The following ADAM2 variants were observed in gnomAD, a reference collection of about 807,000 sequenced individuals.
ADAM2 encodes disintegrin and metalloproteinase domain-containing protein 2.
A neutral mutation model predicts 99.3 loss-of-function variants in ADAM2; 101 were observed. The observed-to-expected ratio is 1.02, with a 90% confidence interval of 0.87 to 1.20. The LOEUF (loss-of-function observed/expected upper bound fraction) is 1.20, where lower values mean the gene tolerates loss of function less well. ADAM2 is among the 50% of genes most tolerant of loss of function. The pLI is 0.00. For synonymous variants in ADAM2, 323 were observed against 287.6 expected, an observed-to-expected ratio of 1.12 and a Z score of -1.25; for missense variants, 948 against 878.7, an observed-to-expected ratio of 1.08 and a Z score of -1.00.
intron 8 of ADAM2, 55 bp from the exon 9 acceptor site, chr8:39,788,306 G>T (rs1387152043): frequency 8.7e-7 from 1 of 1,153,272 alleles, no homozygotes; most frequent in Non-Finnish European, 1.2e-6. Context: ...TTAAAAATTA[G>T]ATATATATGT....
intron 7 of ADAM2, among the ~76,000 whole-genome samples, chr8:39,790,285 A>T (rs1803651569): frequency 6.6e-6 from 1 of 151,986 alleles, no homozygotes; most frequent in South Asian, 2.1e-4. Context: ...AAAAAGTGAA[A>T]TGTCCATCAA....
rs755224471 is a variant in ADAM2, at chr8:39,821,151, T to C, written c.364A>G (p.Asn122Asp). The C allele has an allele frequency of 1.9e-6, 3 of 1,599,662 alleles. No individual in the cohort carries two copies. Among genetic ancestry groups the C allele is most frequent in the Non-Finnish European group, 2.6e-6 (3 of 1,174,780 alleles). The change falls in exon 6 of 21, where the codon AAT (asparagine) becomes GAT (aspartate). Residue 122 changes from asparagine (N) to aspartate (D), a missense_variant. Physicochemically the swap from Asn to Asp is conservative, Grantham distance 23 (BLOSUM62 1). Coordinates refer to ENST00000265708, the MANE Select transcript of ADAM2 (RefSeq NM_001464.5). ...TGLRGVLQFENVSYGIEPLES... is the reference protein window; with the variant it reads ...TGLRGVLQFEDVSYGIEPLES... ...AGGGGTTCTATTCCATAACTAACAT[T>C]TTCAAACTGTAGTACGCCCCTAAAA...
At chr8:39,837,768 T>A (rs1043928110) in intron 1 of ADAM2, among the ~76,000 whole-genome samples, 1 of 152,092 alleles carries the variant, frequency 6.6e-6, no homozygotes, top group African/African-American at 2.4e-5. Flanking sequence ...GTCAATAGGT[T>A]CAAGCCCCTC....
chr8:39,837,145 A>G lies in ADAM2; in HGVS notation c.123T>C (p.Ile41=). The G allele has an allele frequency of 6.3e-7, 1 of 1,598,762 alleles. No individual in the cohort carries two copies. Reference sequence around the variant, plus strand: ...GTTAGTGATTCATTACCTGCGATTCAATTCCTTCCTTTATTATTGACCGTA... The same window carrying G: ...GTTAGTGATTCATTACCTGCGATTCGATTCCTTCCTTTATTATTGACCGTA... ...EKIRSIIKEG[I]ESQASYKIVI... Residue 41 remains isoleucine (I), a synonymous_variant, in exon 2 of 21, where the codon ATT becomes ATC. Transcript: ENST00000265708.
intron 10 of ADAM2, among the ~76,000 whole-genome samples, chr8:39,779,489 T>C (rs917932636): frequency 1.3e-5 from 2 of 152,152 alleles, no homozygotes; most frequent in Non-Finnish European, 2.9e-5. Flanking sequence ...CAGTCCAGAC[T>C]AGTATAAAAA....
rs185853716 is a variant in ADAM2 at position 39,835,542 on chromosome 8, G to A, written c.133-1543C>T. Among the ~76,000 whole-genome samples the A allele has an allele frequency of 4.5e-3, 692 of 152,098 alleles. 9 individuals are homozygous for A. The highest frequency in any genetic ancestry group is 0.016 in the African/African-American group (654 of 41,510). ...CTAAAAATACAAAAAAACTAGCTGG[G>A]CTTGGTGGCAGGTGCCTGTAGTCCC... On this transcript the variant is annotated intron_variant, in intron 2 of 20. Transcript: ENST00000265708.
intron 7 of ADAM2, among the ~76,000 whole-genome samples, chr8:39,795,947 G>T (rs1006053890): frequency 3.9e-5 from 6 of 152,040 alleles, no homozygotes; most frequent in African/African-American, 1.4e-4. Flanking sequence ...GATTTATTCT[G>T]CAAACCCAAT....
chr8:39,828,499 C>T (rs1805497942), intron 3 of ADAM2, among the ~76,000 whole-genome samples: 1 of 150,894 alleles, frequency 6.6e-6, no homozygotes, highest in African/African-American at 2.4e-5. Flanking sequence ...CGGATAGAGG[C>T]AATGAAGAAA....
At chr8:39,744,432 C>A (rs1339725284) in intron 20 of ADAM2, among the ~76,000 whole-genome samples, 5 of 151,714 alleles carry the variant, frequency 3.3e-5, no homozygotes, top group Non-Finnish European at 7.4e-5. Flanking sequence ...CTCTCTCCTC[C>A]CCCCAACCCC....
At chr8:39,762,524 T>A (rs894505828) in intron 14 of ADAM2, among the ~76,000 whole-genome samples, 7 of 152,226 alleles carry the variant, frequency 4.6e-5, no homozygotes, top group Non-Finnish European at 4.4e-5. Context: ...TAGTCTCAAG[T>A]TATTCAATTA....
At chr8:39,788,534 GA>G (rs1803570503) in intron 8 of ADAM2, 134 bp downstream of exon 8, 1 of 612,612 alleles carries the variant, frequency 1.6e-6, no homozygotes, top group Non-Finnish European at 2.6e-6. Flanking sequence ...TCCCACTTCA[GA>G]TAAGTAAAAT....
Position 39,837,195 on chromosome 8 carries a change from C to A in ADAM2, c.73G>T (p.Val25Leu). The A allele has an allele frequency of 1.9e-6, 3 of 1,608,736 alleles. No individual in the cohort carries two copies. The highest frequency in any genetic ancestry group is 2.5e-6 in the Non-Finnish European group (3 of 1,176,892). ...ATTTTCTCCGGAACTGTAATTTGCA[C>A]AGGTAAACTATCAAAATCTGCAAAA... ...RMDSNFDSLP[V>L]QITVPEKIRS... Residue 25 changes from valine to leucine, a missense_variant, in exon 2 of 21, where the codon GTG becomes TTG. Val to Leu is a conservative substitution (Grantham distance 32). Coordinates refer to ENST00000265708, the MANE Select transcript of ADAM2 (RefSeq NM_001464.5).
chr8:39,809,545 A>G lies in ADAM2; in HGVS notation c.514-79T>C, dbSNP rs1226821050. ...TAGTGCATGTCACTACTATTAATGA[A>G]CTAAATATTGAAAAACACAATTTTG... On this transcript the variant is annotated intron_variant, in intron 6 of 20. Coordinates refer to ENST00000265708, the MANE Select transcript of ADAM2 (RefSeq NM_001464.5). 9.3e-6 allele frequency: 6 copies of G among 645,368 alleles called. No homozygotes were observed. In the South Asian group the frequency reaches 1.2e-4, roughly 13 times the overall value. The allele number at this position is 645,368 out of a possible 1,614,324, so 40.0% of individuals were successfully genotyped here.
chr8:39,780,002 C>G (rs893959964), intron 10 of ADAM2, among the ~76,000 whole-genome samples: 14 of 152,034 alleles, frequency 9.2e-5, no homozygotes, highest in Non-Finnish European at 1.3e-4. Flanking sequence ...AGTCTTCTCT[C>G]ATGCTGCGGG....
intron 6 of ADAM2, among the ~76,000 whole-genome samples, chr8:39,817,333 A>G (rs1489761880): frequency 1.3e-5 from 2 of 152,142 alleles, no homozygotes; most frequent in Non-Finnish European, 2.9e-5. Flanking sequence ...GAGGATAGGA[A>G]GGGTCAGGGG....
chr8:39,833,942 A>G lies in ADAM2; in HGVS notation c.188+2T>C. ...ATTGATAAAATAATGATGATTACCT[A>G]CTTTTGCATTAAATTCACAGTATAT... is the stretch of plus-strand genomic sequence containing the variant. On this transcript the variant is annotated splice_donor_variant, in intron 3 of 20. Coordinates refer to ENST00000265708, the MANE Select transcript of ADAM2 (RefSeq NM_001464.5). LOFTEE classifies it high-confidence loss of function. 1 of 1,481,860 alleles carries G rather than the reference A, an allele frequency of 6.7e-7. No homozygotes were observed. Among genetic ancestry groups the G allele is most frequent in the Non-Finnish European group, 9.4e-7 (1 of 1,063,172 alleles). The allele number at this position is 1,481,860 out of a possible 1,614,324, so 91.8% of individuals were successfully genotyped here. A position where few individuals can be genotyped will look rare whatever the true frequency, so the allele number is the denominator to read the frequency against.
At chr8:39,820,411 A>T (rs1805127846) in intron 6 of ADAM2, among the ~76,000 whole-genome samples, 1 of 152,182 alleles carries the variant, frequency 6.6e-6, no homozygotes. Flanking sequence ...CTGCCGTCAA[A>T]GAGAAAGCAT....
At chr8:39,813,866 A>G (rs938936257) in intron 6 of ADAM2, among the ~76,000 whole-genome samples, 1 of 152,206 alleles carries the variant, frequency 6.6e-6, no homozygotes, top group African/African-American at 2.4e-5. Flanking sequence ...GTGTATACAT[A>G]TGGAAGAAAG....
At chr8:39,760,460 G>A (rs899960243) in intron 15 of ADAM2, among the ~76,000 whole-genome samples, 24 of 152,140 alleles carry the variant, frequency 1.6e-4, no homozygotes, top group African/African-American at 4.8e-4. Context: ...GGTGGCTCAC[G>A]CCTATAATCC....
Sources: gnomAD v4.1 joint callset for allele counts (sites outside exome capture counted in the v4.1 genomes callset) on GRCh38, gnomAD v4.1.1 for gene constraint, MANE v1.5 for transcripts, NCBI Gene and HGNC (gene_info 2026-07-23, HGNC 2026-07-21) for gene names.